The following DPYSL2 variants were observed in gnomAD, a reference collection of about 807,000 sequenced individuals.
DPYSL2 encodes the protein dihydropyrimidinase like 2, also known as dihydropyrimidinase-related protein 2.
Under a neutral mutation model 69.9 loss-of-function variants are expected in DPYSL2, and 13 were observed. The ratio of observed to expected loss-of-function variants is 0.19; its 90% CI spans 0.12 to 0.30. The LOEUF is 0.30. Among genes scored for constraint, DPYSL2 ranks in the 10% least tolerant of loss-of-function variants. The probability of loss-of-function intolerance (pLI) is 1.00; values close to 1 mark genes in which losing one functional copy is unlikely to be tolerated. For missense variants in DPYSL2, 587 were observed against 918.9 expected, an observed-to-expected ratio of 0.64 and a Z score of 4.67; for synonymous variants, 326 against 359.1, an observed-to-expected ratio of 0.91 and a Z score of 1.04.
Position 26,652,550 on chromosome 8 carries a change from G to A in DPYSL2, c.1776+114G>A. 1 of 1,161,422 alleles carries A rather than the reference G, an allele frequency of 8.6e-7. No homozygotes were observed. The allele number at this position is 1,161,422 out of a possible 1,614,324, so 71.9% of individuals were successfully genotyped here. A position where few individuals can be genotyped will look rare whatever the true frequency, so the allele number is the denominator to read the frequency against. The stretch of plus-strand genomic sequence containing the variant: ...ATTAAGATGAATTTAGTGGATTCCA[G>A]GGATAAGAGGGAGCCTGAATTTTTT... On this transcript the variant is annotated intron_variant, in intron 12 of 13. Transcript: ENST00000521913. This position sits in a 1 kb window ranked among gnomAD's most constrained non-coding sequence, Gnocchi z 6.3.
intron 1 of DPYSL2, among the ~76,000 whole-genome samples, chr8:26,569,266 A>T (rs1232695669): frequency 6.6e-6 from 1 of 150,558 alleles, no homozygotes; most frequent in Non-Finnish European, 1.5e-5. Flanking sequence ...GCTGAGGCAG[A>T]TCGCTTGAGC....
intron 1 of DPYSL2, among the ~76,000 whole-genome samples, chr8:26,546,571 A>T (rs1800771352): frequency 6.6e-6 from 1 of 152,142 alleles, no homozygotes; most frequent in Non-Finnish European, 1.5e-5. Context: ...GGATTCAGTG[A>T]GAAAGCTTCT....
intron 1 of DPYSL2, among the ~76,000 whole-genome samples, chr8:26,569,365 C>A (rs7815258): frequency 0.55 from 47,413 of 86,922 alleles, 11,258 homozygotes; most frequent in East Asian, 0.77. Flanking sequence ...AAAAAAAAAA[C>A]AAAAACAAAA....
intron 1 of DPYSL2, chr8:26,548,304 C>A: frequency 4.3e-6 from 1 of 230,742 alleles, no homozygotes; most frequent in Non-Finnish European, 8.6e-6. Context: ...GGACACCGTG[C>A]TTGAACTGAG....
Position 26,591,958 on chromosome 8 carries a change from G to A in DPYSL2, c.628+7975G>A, listed in dbSNP as rs1260714817. On this transcript the variant is annotated intron_variant, in intron 3 of 13. Transcript: ENST00000521913. This position sits in a 1 kb window ranked among gnomAD's most constrained non-coding sequence, Gnocchi z 5.8. Reference sequence around the variant, plus strand: ...TAGTAAGCAGGCATATACCCACGGAGTCGCTTAAGAAAACACCTAACCACA... The same window carrying A: ...TAGTAAGCAGGCATATACCCACGGAATCGCTTAAGAAAACACCTAACCACA... 6.6e-6 allele frequency among the ~76,000 whole-genome samples: 1 copy of A among 152,200 alleles called. No homozygotes were observed. Among genetic ancestry groups the A allele is most frequent in the Non-Finnish European group, 1.5e-5 (1 of 68,032 alleles).
chr8:26,540,281 C>T (rs184323263), intron 1 of DPYSL2, among the ~76,000 whole-genome samples: 25 of 151,696 alleles, frequency 1.6e-4, no homozygotes, highest in Admixed American at 6.6e-4. Flanking sequence ...AAAAAAAAAT[C>T]GGTAAACTTG....
chr8:26,635,064 G>GT (rs1472418918), intron 8 of DPYSL2, among the ~76,000 whole-genome samples, 164 bp downstream of exon 8: 2 of 152,238 alleles, frequency 1.3e-5, no homozygotes, highest in African/African-American at 4.8e-5. Flanking sequence ...AGGAGCTCCA[G>GT]TTTCCTCCTC....
rs958962815 is a variant in DPYSL2 at position 26,543,498 on chromosome 8, T to TG, written c.354+28819_354+28820insG. Among the ~76,000 whole-genome samples, 95 of 152,168 alleles carry TG rather than the reference T, an allele frequency of 6.2e-4. 1 individual carries two copies. Among genetic ancestry groups the TG allele is most frequent in the South Asian group, 4.2e-4 (2 of 4,806 alleles). The stretch of plus-strand genomic sequence containing the variant: ...TTCACTGGCTCTACCTTGGTTTTTT[T>TG]TTTTTTGAGATGGAGTTTTGCTCTT... On this transcript the variant is annotated intron_variant, in intron 1 of 13. Transcript: ENST00000521913.
intron 1 of DPYSL2, among the ~76,000 whole-genome samples, chr8:26,524,037 CA>C (rs1808435602): frequency 6.6e-6 from 1 of 152,190 alleles, no homozygotes; most frequent in Non-Finnish European, 1.5e-5. Flanking sequence ...AGTGTGTACA[CA>C]GAAGTGGAAT....
chr8:26,576,711 T>C (rs1355943462), intron 1 of DPYSL2, among the ~76,000 whole-genome samples: 5 of 152,342 alleles, frequency 3.3e-5, no homozygotes, highest in African/African-American at 4.8e-5. Context: ...TTAACTCCGA[T>C]TCAGTAGGTT....
intron 1 of DPYSL2, among the ~76,000 whole-genome samples, chr8:26,526,198 G>A (rs1307254394): frequency 1.3e-5 from 2 of 152,104 alleles, no homozygotes; most frequent in South Asian, 2.1e-4. Flanking sequence ...GGGTTCAAGC[G>A]ATTCTCCTGC....
rs1808241647 is a variant in DPYSL2, at chr8:26,514,571, C to G, written c.246C>G (p.Tyr82Ter). The change falls in exon 1 of 14, where the codon TAC (tyrosine) becomes TAG (stop). Residue 82 changes from tyrosine to a stop codon, truncating the protein, a stop_gained. Coordinates refer to ENST00000521913, the MANE Select transcript of DPYSL2 (RefSeq NM_001197293.3). LOFTEE classifies it high-confidence loss of function. The surrounding 1 kb of genome is among the most constrained non-coding windows in gnomAD (Gnocchi z 8.4). ...TGGGCCCGGACCCGCAGCCGCCGTACTCGCGGCAGGGCCGGCGCGCCGGCG... is the reference window on the plus strand; with the variant it reads ...TGGGCCCGGACCCGCAGCCGCCGTAGTCGCGGCAGGGCCGGCGCGCCGGCG... ...AHLGPDPQPPYSRQGRRAGGE... is the reference protein window; with the variant it reads ...AHLGPDPQPP 6.5e-7 allele frequency: 1 copy of G among 1,526,982 alleles called. No individual in the cohort carries two copies. Among genetic ancestry groups the G allele is most frequent in the African/African-American group, 1.4e-5 (1 of 72,416 alleles). The allele number at this position is 1,526,982 out of a possible 1,614,324, so 94.6% of individuals were successfully genotyped here. A position where few individuals can be genotyped will look rare whatever the true frequency, so the allele number is the denominator to read the frequency against.
intron 3 of DPYSL2, among the ~76,000 whole-genome samples, chr8:26,615,686 C>T (rs1356652222): frequency 1.3e-5 from 2 of 152,138 alleles, no homozygotes; most frequent in African/African-American, 4.8e-5. Context: ...CATATTTGAA[C>T]AGTGCCTCTT....
chr8:26,625,485 C>G (rs1802593455), intron 4 of DPYSL2, among the ~76,000 whole-genome samples: 2 of 152,058 alleles, frequency 1.3e-5, no homozygotes, highest in South Asian at 4.2e-4. Flanking sequence ...CTCCCAGCAC[C>G]CCCCAGGTGG....
intron 1 of DPYSL2, among the ~76,000 whole-genome samples, chr8:26,555,522 T>A (rs1800930606): frequency 6.6e-6 from 1 of 152,160 alleles, no homozygotes; most frequent in African/African-American, 2.4e-5. Flanking sequence ...AAAAATTAGA[T>A]ATAAATCTAA....
At chr8:26,615,903 G>C (rs1340679147) in intron 3 of DPYSL2, among the ~76,000 whole-genome samples, 1 of 152,154 alleles carries the variant, frequency 6.6e-6, no homozygotes, top group Admixed American at 6.5e-5. Context: ...TGCTTTGGAG[G>C]CACCTAAATA....
intron 3 of DPYSL2, among the ~76,000 whole-genome samples, chr8:26,613,001 C>G (rs1030916618): frequency 6.6e-6 from 1 of 152,206 alleles, no homozygotes; most frequent in African/African-American, 2.4e-5. Context: ...TTGTGAATCA[C>G]TTAAAAACAC....
In DPYSL2 at chr8:26,588,382, G is replaced by A. The variant is rs904510037; in HGVS notation, c.628+4399G>A. Reference sequence around the variant, plus strand: ...TTAAAGTAGCAAATCTGCTGGTGGGGTCTGTGACTCTGTATTCGAATCTGG... The same window carrying A: ...TTAAAGTAGCAAATCTGCTGGTGGGATCTGTGACTCTGTATTCGAATCTGG... On this transcript the variant is annotated intron_variant, in intron 3 of 13. Coordinates refer to ENST00000521913, the MANE Select transcript of DPYSL2 (RefSeq NM_001197293.3). This position sits in a 1 kb window ranked among gnomAD's most constrained non-coding sequence, Gnocchi z 5.4. Among the ~76,000 whole-genome samples the A allele has an allele frequency of 6.6e-6, 1 of 152,182 alleles. No individual in the cohort carries two copies. The highest frequency in any genetic ancestry group is 2.4e-5 in the African/African-American group (1 of 41,444).
chr8:26,551,834 A>G (rs1371323685), intron 1 of DPYSL2, among the ~76,000 whole-genome samples: 1 of 152,174 alleles, frequency 6.6e-6, no homozygotes, highest in African/African-American at 2.4e-5. Context: ...TATTTTTAGA[A>G]ATGAGGTCTT....
Sources: allele counts gnomAD v4.1 joint callset (sites outside exome capture counted in the v4.1 genomes callset), GRCh38; gene constraint gnomAD v4.1.1; non-coding constraint Gnocchi (gnomAD v3.1); transcripts MANE v1.5; gene names NCBI Gene and HGNC (gene_info 2026-07-23, HGNC 2026-07-21).